Variants in CWH43 observed in about 807,000 individuals in gnomAD.
CWH43 encodes cell wall biogenesis 43 C-terminal homolog, also known as PGAP2-interacting protein.
Under a neutral mutation model 85.7 loss-of-function variants are expected in CWH43, and 91 were observed. That is an observed-to-expected ratio of 1.06 (90% confidence interval 0.90 to 1.26). The LOEUF (loss-of-function observed/expected upper bound fraction) is 1.26. Among genes scored for constraint, CWH43 ranks in the 50% most tolerant of loss-of-function variants. The pLI, the probability that CWH43 is intolerant of heterozygous loss-of-function variation, is 0.00. For missense variants in CWH43, 869 were observed against 839.2 expected (o/e 1.04, Z -0.44); for synonymous variants, 323 against 293.6 (o/e 1.10, Z -1.02).
Position 49,044,811 on chromosome 4 carries a change from G to C in CWH43, c.1829G>C (p.Arg610Thr). Residue 610 changes from arginine to threonine, a missense_variant, in exon 14 of 16, where the codon AGA becomes ACA. This residue lies in a region of CWH43 where 577 missense variants were observed against 513.1 expected (regional missense o/e 1.12). Coordinates refer to ENST00000226432, the MANE Select transcript of CWH43 (RefSeq NM_025087.3). The stretch of plus-strand genomic sequence containing the variant: ...GATATCGACAGCACTGATCATGACA[G>C]ATGGTGTGAATACATTATGTATCGA... Reference protein sequence around the residue: ...VKDIDSTDHDRWCEYIMYRGL... With the variant: ...VKDIDSTDHDTWCEYIMYRGL... 1.2e-6 allele frequency: 2 copies of C among 1,613,424 alleles called. No individual in the cohort carries two copies. Among genetic ancestry groups the C allele is most frequent in the Non-Finnish European group, 1.7e-6 (2 of 1,179,496 alleles).
chr4:49,061,834 C>A lies in CWH43; in HGVS notation c.2044C>A (p.His682Asn). 1 of 1,390,580 alleles carries A rather than the reference C, an allele frequency of 7.2e-7. No individual in the cohort carries two copies. The highest frequency in any genetic ancestry group is 9.6e-7 in the Non-Finnish European group (1 of 1,046,744). 86.1% of individuals were successfully genotyped at this position (1,390,580 alleles called of 1,614,324 possible). Residue 682 changes from histidine (H) to asparagine (N), a missense_variant, in exon 16 of 16, where the codon CAC becomes AAC. Around this residue, in one of 3 missense-constraint regions of CWH43, gnomAD observed 577 missense variants for 513.1 expected, o/e 1.12. Transcript: ENST00000226432. Reference sequence around the variant, plus strand: ...TAGATTTGGATCCTACAAAGAAGGACACAATTATGAAAACAACCATCATTT... The same window carrying A: ...TAGATTTGGATCCTACAAAGAAGGAAACAATTATGAAAACAACCATCATTT... Reference protein sequence around the residue: ...NPRFGSYKEGHNYENNHHFHM... With the variant: ...NPRFGSYKEGNNYENNHHFHM...
At chr4:49,023,497 C>T (rs916596189) in intron 9 of CWH43, among the ~76,000 whole-genome samples, 16 of 152,162 alleles carry the variant, frequency 1.1e-4, no homozygotes, top group African/African-American at 3.6e-4. Flanking sequence ...GCCTCACCCT[C>T]CCAAGTAGCT....
chr4:49,057,201 C>T (rs1311210884), intron 15 of CWH43, among the ~76,000 whole-genome samples: 2 of 152,144 alleles, frequency 1.3e-5, no homozygotes, highest in Non-Finnish European at 2.9e-5. Context: ...GTCCTGACGA[C>T]ATGTGCCTAA....
chr4:49,038,159 C>T lies in CWH43; in HGVS notation c.1782C>T (p.Leu594=). 1 of 1,597,504 alleles carries T rather than the reference C, an allele frequency of 6.3e-7. No individual in the cohort carries two copies. Among genetic ancestry groups the T allele is most frequent in the Non-Finnish European group, 8.5e-7 (1 of 1,172,146 alleles). ...CTGGCTCCAGAGATTATCTACAGCTCACTGAACATGGCAATGTGAAGGTAA... is the reference window on the plus strand; with the variant it reads ...CTGGCTCCAGAGATTATCTACAGCTTACTGAACATGGCAATGTGAAGGTAA... ...SAPGSRDYLQ[L]TEHGNVKDID... is the part of the protein sequence containing the mutation. The change falls in exon 13 of 16, where the codon CTC becomes CTT. Residue 594 remains leucine (L), a synonymous_variant. Transcript: ENST00000226432.
intron 12 of CWH43, among the ~76,000 whole-genome samples, chr4:49,032,922 G>A (rs1445833495): frequency 6.6e-6 from 1 of 152,202 alleles, no homozygotes; most frequent in African/African-American, 2.4e-5. Context: ...GGCCGTGTTA[G>A]TCTGCATTTA....
At chr4:49,014,819 T>C (rs767366516) in intron 8 of CWH43, among the ~76,000 whole-genome samples, 2 of 151,750 alleles carry the variant, frequency 1.3e-5, no homozygotes, top group African/African-American at 4.8e-5. Context: ...CACCCCCCAC[T>C]ATCAAAATTA....
chr4:49,011,933 A>G (rs1314595486), intron 8 of CWH43, among the ~76,000 whole-genome samples: 2 of 152,174 alleles, frequency 1.3e-5, no homozygotes, highest in Admixed American at 6.5e-5. Flanking sequence ...ACCTTGGTGA[A>G]TCTGACAGTC....
intron 12 of CWH43, among the ~76,000 whole-genome samples, chr4:49,034,463 A>G (rs570427858): frequency 6.6e-6 from 1 of 152,298 alleles, no homozygotes; most frequent in Admixed American, 6.5e-5. Context: ...AGCCCTAGGA[A>G]TATGCTTGGA....
chr4:49,056,596 A>G (rs1008989905), intron 15 of CWH43, among the ~76,000 whole-genome samples: 2 of 151,352 alleles, frequency 1.3e-5, no homozygotes, highest in Non-Finnish European at 1.5e-5. Flanking sequence ...TATCCATTTT[A>G]TCTTTTCAAA....
chr4:49,061,714 T>G, intron 15 of CWH43, 98 bp from the exon 16 acceptor site: 1 of 1,028,430 alleles, frequency 9.7e-7, no homozygotes. Context: ...TTTATTCATT[T>G]GCTATTTTAT....
intron 9 of CWH43, among the ~76,000 whole-genome samples, chr4:49,021,707 G>GCAAATCCAAA (rs1783756059): frequency 6.6e-6 from 1 of 152,098 alleles, no homozygotes; most frequent in Non-Finnish European, 1.5e-5. Context: ...ATTTGTTTGT[G>GCAAATCCAAA]TCATCTAAGA....
At chr4:48,988,326 T>TCG in intron 1 of CWH43, 151 bp from the exon 2 acceptor site, 10 of 479,010 alleles carry the variant, frequency 2.1e-5, no homozygotes, top group South Asian at 4.9e-5. Flanking sequence ...CTTGTTTTGT[T>TCG]CCATGTCAGT....
In CWH43 at chr4:49,057,235, T is replaced by A. The variant is rs557844242; in HGVS notation, c.2022-4577T>A. 8.5e-5 allele frequency among the ~76,000 whole-genome samples: 13 copies of A among 152,290 alleles called. No individual in the cohort carries two copies. In the South Asian group the frequency reaches 2.7e-3, roughly 32 times the overall value. On this transcript the variant is annotated intron_variant, in intron 15 of 15. Coordinates refer to ENST00000226432, the MANE Select transcript of CWH43 (RefSeq NM_025087.3). Reference sequence around the variant, plus strand: ...AAGGTGGTCAGAGTACAGCTTGGTTTTATATATTTTAGGGAGACATGAGAC... The same window carrying A: ...AAGGTGGTCAGAGTACAGCTTGGTTATATATATTTTAGGGAGACATGAGAC...
rs1326721125 is a variant in CWH43, at chr4:48,992,314, A to G, written c.511+224A>G. Among the ~76,000 whole-genome samples the G allele has an allele frequency of 6.6e-6, 1 of 152,218 alleles. No homozygotes were observed. Reference sequence around the variant, plus strand: ...AGACAGAGGGTGAAAATAAAATACCATTACTGGTTTGTAGCACTGTGGCAG... The same window carrying G: ...AGACAGAGGGTGAAAATAAAATACCGTTACTGGTTTGTAGCACTGTGGCAG... On this transcript the variant is annotated intron_variant, in intron 4 of 15. Coordinates refer to ENST00000226432, the MANE Select transcript of CWH43 (RefSeq NM_025087.3). This position sits in a 1 kb window ranked among gnomAD's most constrained non-coding sequence, Gnocchi z 4.3.
chr4:49,028,686 G>A lies in CWH43; in HGVS notation c.1324G>A (p.Glu442Lys). 6.2e-7 allele frequency: 1 copy of A among 1,613,960 alleles called. No individual in the cohort carries two copies. The highest frequency in any genetic ancestry group is 8.5e-7 in the Non-Finnish European group (1 of 1,179,858). Residue 442 changes from glutamate (E) to lysine (K), a missense_variant, in exon 10 of 16, where the codon GAA becomes AAA. Coordinates refer to ENST00000226432, the MANE Select transcript of CWH43 (RefSeq NM_025087.3). ...GCCTTTCAGGTTTGGATATGACAATGAAGGGTGGTCTAGTCTAGAAAGATC... is the reference window on the plus strand; with the variant it reads ...GCCTTTCAGGTTTGGATATGACAATAAAGGGTGGTCTAGTCTAGAAAGATC... Reference protein sequence around the residue: ...IWPFRFGYDNEGWSSLERSAH... With the variant: ...IWPFRFGYDNKGWSSLERSAH...
chr4:49,018,470 C>T (rs1052088454), intron 9 of CWH43, among the ~76,000 whole-genome samples: 1 of 152,176 alleles, frequency 6.6e-6, no homozygotes, highest in Non-Finnish European at 1.5e-5. Flanking sequence ...TTTAGGAAAA[C>T]TCTTACAGAT....
intron 15 of CWH43, among the ~76,000 whole-genome samples, chr4:49,056,292 T>G (rs1784962542): frequency 6.6e-6 from 1 of 152,148 alleles, no homozygotes; most frequent in Admixed American, 6.5e-5. Context: ...GTGAGGCAAT[T>G]GGGTCTGGGC....
In CWH43 at chr4:49,053,189, A is replaced by G. The variant is rs1234222910; in HGVS notation, c.2021+2340A>G. ...ATAGCTGCATTTTCTTTATCCATTC[A>G]TCTGTCAATGGGCACTTAGGTTAAT... On this transcript the variant is annotated intron_variant, in intron 15 of 15. Transcript: ENST00000226432. Among the ~76,000 whole-genome samples, 5 of 152,278 alleles carry G rather than the reference A, an allele frequency of 3.3e-5. No individual in the cohort carries two copies. The East Asian group carries it at 9.6e-4, about 29-fold the overall frequency.
chr4:49,014,043 G>A (rs879559599), intron 8 of CWH43, among the ~76,000 whole-genome samples: 1 of 152,134 alleles, frequency 6.6e-6, no homozygotes, highest in Non-Finnish European at 1.5e-5. Flanking sequence ...ATATTATAGT[G>A]TAAAGATATA....
Sources: gnomAD v4.1 joint callset for allele counts (sites outside exome capture counted in the v4.1 genomes callset) on GRCh38, gnomAD v4.1.1 for gene constraint, gnomAD v4.1.1 regional missense constraint, Gnocchi (gnomAD v3.1) non-coding constraint, MANE v1.5 for transcripts, NCBI Gene and HGNC (gene_info 2026-07-23, HGNC 2026-07-21) for gene names.